ERN1: variants seen among roughly 807,000 people sequenced by gnomAD.
ERN1 encodes serine/threonine-protein kinase/endoribonuclease IRE1.
A neutral mutation model predicts 113.1 loss-of-function variants in ERN1; 39 were observed. The ratio of observed to expected loss-of-function variants is 0.34; its 90% confidence interval spans 0.27 to 0.45. ERN1 has a LOEUF of 0.45. ERN1 is among the 20% of genes least tolerant of loss of function. The pLI, the probability that ERN1 is intolerant of heterozygous loss-of-function variation, is 1.00. For missense variants in ERN1, 976 were observed against 1,274.8 expected, an observed-to-expected ratio of 0.77 and a Z score of 3.57; for synonymous variants, 507 against 515.9, an observed-to-expected ratio of 0.98 and a Z score of 0.23.
In ERN1 at chr17:64,079,667, G is replaced by C; in HGVS notation, c.277C>G (p.Leu93Val). The change falls in exon 4 of 22, where the codon CTG becomes GTG. Residue 93 changes from leucine (L) to valine (V), a missense_variant. Physicochemically the swap from Leu to Val is conservative, Grantham distance 32 (BLOSUM62 1). Around this residue, in one of 5 missense-constraint regions of ERN1, gnomAD observed 459 missense variants for 581.2 expected, o/e 0.79. Transcript: ENST00000433197. Reference sequence around the variant, plus strand: ...AAGCAGCTAAATATACTCACCGTCAGGCCTTCATTATTCTTGCTTCCAAGC... The same window carrying C: ...AAGCAGCTAAATATACTCACCGTCACGCCTTCATTATTCTTGCTTCCAAGC... ...YTLGSKNNEG[L>V]TKLPFTIPEL... 4 of 1,613,446 alleles carry C rather than the reference G, an allele frequency of 2.5e-6. No individual in the cohort carries two copies. Among genetic ancestry groups the C allele is most frequent in the Non-Finnish European group, 3.4e-6 (4 of 1,179,402 alleles).
chr17:64,044,339 A>T lies in ERN1; in HGVS notation c.2722-139T>A, dbSNP rs1912442781. On this transcript the variant is annotated intron_variant, in intron 21 of 21. Transcript: ENST00000433197. This position sits in a 1 kb window ranked among gnomAD's most constrained non-coding sequence, Gnocchi z 4.1. The stretch of plus-strand genomic sequence containing the variant: ...TGGTAAAGAAAAAGAAAAAAGGCTT[A>T]TGTATCCAAGAATCCAGCCCCGTCA... The T allele has an allele frequency of 1.6e-6, 1 of 626,810 alleles. No homozygotes were observed. Among genetic ancestry groups the T allele is most frequent in the Non-Finnish European group, 2.6e-6 (1 of 387,192 alleles). The allele number at this position is 626,810 out of a possible 1,614,324, so 38.8% of individuals were successfully genotyped here.
intron 2 of ERN1, among the ~76,000 whole-genome samples, chr17:64,089,273 C>T (rs935173046): frequency 1.5e-5 from 2 of 132,762 alleles, no homozygotes; most frequent in East Asian, 2.3e-4. Context: ...GAGCCGAGAT[C>T]GTGCCACTGC....
intron 2 of ERN1, among the ~76,000 whole-genome samples, chr17:64,086,897 GCCT>G (rs979852305): frequency 1.3e-5 from 2 of 151,906 alleles, no homozygotes; most frequent in Non-Finnish European, 2.9e-5. Context: ...ACCCGCCGTG[GCCT>G]CCCAAAGTGC....
At position 64,039,719 on chromosome 17, in the gene ERN1, T is replaced by C. The variant is rs968741525; in HGVS notation, c.*4269A>G. The C allele has an allele frequency of 6.6e-6, 1 of 152,232 alleles. No homozygotes were observed. The highest frequency in any genetic ancestry group is 1.5e-5 in the Non-Finnish European group (1 of 68,058). 9.4% of individuals were successfully genotyped at this position (152,232 alleles called of 1,614,324 possible). ...CATCTGAGAATGCAGAGTAGGTGAC[T>C]GGTAATGCTTTCTAGGTAAGTGGGG... On this transcript the variant is annotated 3_prime_UTR_variant, in exon 22 of 22. Coordinates refer to ENST00000433197, the MANE Select transcript of ERN1 (RefSeq NM_001433.5).
intron 11 of ERN1, 93 bp downstream of exon 11, chr17:64,060,376 G>T: frequency 1.2e-6 from 1 of 806,994 alleles, no homozygotes. Flanking sequence ...TCCCAGACTA[G>T]GCTGCAAGCT....
chr17:64,118,650 G>C (rs1914873406), intron 1 of ERN1, among the ~76,000 whole-genome samples: 2 of 152,218 alleles, frequency 1.3e-5, no homozygotes, highest in Non-Finnish European at 2.9e-5. Flanking sequence ...ATGCTTGAAA[G>C]CAAGTGTCCT....
rs746530940 is a variant in ERN1 at position 64,066,771 on chromosome 17, C to T, written c.742G>A (p.Glu248Lys). The part of the protein sequence containing the change: ...RKVMHINVAV[E>K]TLRYLTFMSG... ...ATGAAGGTCAGATAGCGCAGGGTCT[C>T]CACAGCGACATTGATGTGCATCACC... Residue 248 changes from glutamate (E) to lysine (K), a missense_variant, in exon 8 of 22, where the codon GAG (glutamate) becomes AAG (lysine). Coordinates refer to ENST00000433197, the MANE Select transcript of ERN1 (RefSeq NM_001433.5). The T allele has an allele frequency of 7.4e-6, 12 of 1,613,822 alleles. No homozygotes were observed. Among genetic ancestry groups the T allele is most frequent in the African/African-American group, 1.3e-5 (1 of 74,908 alleles).
chr17:64,064,664 G>A (rs1352054313), intron 9 of ERN1, among the ~76,000 whole-genome samples: 1 of 152,232 alleles, frequency 6.6e-6, no homozygotes, highest in Non-Finnish European at 1.5e-5. Context: ...CTAGGATTAT[G>A]ACGCCTTGGA....
chr17:64,055,584 G>T, intron 13 of ERN1, 91 bp downstream of exon 13: 1 of 1,203,372 alleles, frequency 8.3e-7, no homozygotes, highest in Non-Finnish European at 1.1e-6. Flanking sequence ...CCCTGAGAAT[G>T]GTAGTTTACA....
At chr17:64,057,585 G>A (rs555258803) in intron 12 of ERN1, among the ~76,000 whole-genome samples, 1 of 152,252 alleles carries the variant, frequency 6.6e-6, no homozygotes, top group South Asian at 2.1e-4. Flanking sequence ...AGCCAGGATG[G>A]TCTTGATCTC....
chr17:64,043,548 C>T lies in ERN1; in HGVS notation c.*440G>A, dbSNP rs80035757. The T allele has an allele frequency of 1.4e-3, 223 of 156,722 alleles. 1 individual carries two copies. The highest frequency in any genetic ancestry group is 3.5e-3 in the Admixed American group (54 of 15,392). 9.7% of individuals were successfully genotyped at this position (156,722 alleles called of 1,614,324 possible). ...CTCAGCATCCCCCACCTCTCAATTC[C>T]GGTCTCCAGTGAAGGCTGTACTTGG... On this transcript the variant is annotated 3_prime_UTR_variant, in exon 22 of 22. Coordinates refer to ENST00000433197, the MANE Select transcript of ERN1 (RefSeq NM_001433.5).
intron 19 of ERN1, 92 bp from the exon 20 acceptor site, chr17:64,045,574 C>CA (rs1912487974): frequency 1.9e-6 from 3 of 1,543,708 alleles, no homozygotes; most frequent in African/African-American, 2.7e-5. Flanking sequence ...ATCACTGACA[C>CA]ATAAGCCTGC....
chr17:64,074,912 T>C (rs1913539561), intron 5 of ERN1, among the ~76,000 whole-genome samples: 1 of 152,236 alleles, frequency 6.6e-6, no homozygotes, highest in African/African-American at 2.4e-5. Context: ...GTTGCAATCT[T>C]GGAATCTCAG....
intron 10 of ERN1, among the ~76,000 whole-genome samples, chr17:64,062,612 G>A (rs1349885637): frequency 6.6e-6 from 1 of 152,130 alleles, no homozygotes; most frequent in Non-Finnish European, 1.5e-5. Flanking sequence ...AAGACTCCCT[G>A]CCCCCATATT....
At chr17:64,062,577 G>A (rs959168977) in intron 10 of ERN1, among the ~76,000 whole-genome samples, 2 of 152,132 alleles carry the variant, frequency 1.3e-5, no homozygotes, top group East Asian at 1.9e-4. Flanking sequence ...ATTTTAAAGG[G>A]ATCTCATTTT....
chr17:64,112,183 C>T (rs545446230), intron 1 of ERN1, among the ~76,000 whole-genome samples: 8 of 152,176 alleles, frequency 5.3e-5, no homozygotes, highest in African/African-American at 9.6e-5. Flanking sequence ...GCCTAGCCAA[C>T]GTGGTAAAAC....
chr17:64,102,891 T>C lies in ERN1; in HGVS notation c.55-4650A>G, dbSNP rs1296075276. The C allele has an allele frequency of 8.1e-6, 8 of 984,868 alleles. No homozygotes were observed. In the African/African-American group the frequency reaches 1.4e-4, roughly 17 times the overall value. The allele number at this position is 984,868 out of a possible 1,614,324, so 61.0% of individuals were successfully genotyped here. A position where few individuals can be genotyped will look rare whatever the true frequency, so the allele number is the denominator to read the frequency against. ...TTTGATTCAGTTTTAAAACTAGTAG[T>C]TGGGAGGTTAAAAAAAAAAAGTGGA... is the stretch of plus-strand genomic sequence containing the variant. On this transcript the variant is annotated intron_variant, in intron 1 of 21. Transcript: ENST00000433197.
chr17:64,075,084 G>A (rs940456194), intron 5 of ERN1, 91 bp downstream of exon 5: 2 of 1,066,954 alleles, frequency 1.9e-6, no homozygotes, highest in African/African-American at 1.6e-5. Context: ...TGGCAAGGCG[G>A]TGACTGCGCC....
In ERN1 at chr17:64,057,828, C is replaced by T. The variant is rs745819647; in HGVS notation, c.1372G>A (p.Val458Met). Residue 458 changes from valine to methionine, a missense_variant, in exon 12 of 22, where the codon GTG (valine) becomes ATG (methionine). Physicochemically the swap from Val to Met is conservative, Grantham distance 21 (BLOSUM62 1). Around this residue, in one of 5 missense-constraint regions of ERN1, gnomAD observed 16 missense variants for 42.3 expected, o/e 0.38. Coordinates refer to ENST00000433197, the MANE Select transcript of ERN1 (RefSeq NM_001433.5). ...ILSTFLLIGW[V>M]AFIITYPLSM... ...AGGGGATAGGTGATGATGAAGGCCA[C>T]CCAGCCAATCAGCAGGAAGGTGCTC... The T allele has an allele frequency of 2.5e-6, 4 of 1,613,736 alleles. No homozygotes were observed. The highest frequency in any genetic ancestry group is 3.4e-6 in the Non-Finnish European group (4 of 1,179,872).
Sources: allele counts gnomAD v4.1 joint callset (sites outside exome capture counted in the v4.1 genomes callset), GRCh38; gene constraint gnomAD v4.1.1; regional missense constraint gnomAD v4.1.1; non-coding constraint Gnocchi (gnomAD v3.1); transcripts MANE v1.5; gene names NCBI Gene and HGNC (gene_info 2026-07-23, HGNC 2026-07-21).